TPD52L1: variants seen among roughly 807,000 people sequenced by gnomAD.
TPD52L1 encodes TPD52 like 1, also known as tumor protein D53.
In TPD52L1, 18 loss-of-function variants were observed where a neutral mutation model predicts 28.7. The ratio of observed to expected loss-of-function variants is 0.63; its 90% confidence interval spans 0.43 to 0.93. The LOEUF (loss-of-function observed/expected upper bound fraction) is 0.93, where lower values mean the gene tolerates loss of function less well. Ranked by LOEUF, TPD52L1 falls within the 40% of genes least tolerant of loss-of-function variation. TPD52L1 has a pLI of 0.00. For synonymous variants in TPD52L1, 75 were observed against 88.8 expected, an observed-to-expected ratio of 0.84 and a Z score of 0.88; for missense variants, 203 against 254.8, an observed-to-expected ratio of 0.80 and a Z score of 1.39.
At chr6:125,178,675 A>ATT (rs1791984033) in intron 1 of TPD52L1, among the ~76,000 whole-genome samples, 1 of 151,798 alleles carries the variant, frequency 6.6e-6, no homozygotes, top group Admixed American at 6.6e-5. Context: ...ATATATATAT[A>ATT]TTTGGGTAAA....
chr6:125,187,025 A>C (rs1316585255), intron 1 of TPD52L1, among the ~76,000 whole-genome samples: 1 of 152,140 alleles, frequency 6.6e-6, no homozygotes, highest in African/African-American at 2.4e-5. Flanking sequence ...AATTTAATAG[A>C]CAAACAATAG....
chr6:125,244,596 A>T (rs897914522), intron 3 of TPD52L1, among the ~76,000 whole-genome samples: 1 of 152,172 alleles, frequency 6.6e-6, no homozygotes, highest in Non-Finnish European at 1.5e-5. Context: ...TTTGCCTCTC[A>T]TGCAGGCTTG....
chr6:125,157,717 C>T (rs952916097), intron 1 of TPD52L1, among the ~76,000 whole-genome samples: 1 of 152,190 alleles, frequency 6.6e-6, no homozygotes, highest in African/African-American at 2.4e-5. Flanking sequence ...GTTGTTTTCA[C>T]CTTTCCCAAC....
At chr6:125,222,951 T>C (rs60324227) in intron 2 of TPD52L1, among the ~76,000 whole-genome samples, 2,444 of 152,316 alleles carry the variant, frequency 0.016, 17 homozygotes, top group African/African-American at 0.029. Flanking sequence ...CAGCAATATA[T>C]GAAAAATGCT....
chr6:125,178,186 T>C (rs1456496385), intron 1 of TPD52L1, among the ~76,000 whole-genome samples: 1 of 152,244 alleles, frequency 6.6e-6, no homozygotes, highest in African/African-American at 2.4e-5. Context: ...TATTTATTTC[T>C]TCATTCAATA....
intron 1 of TPD52L1, among the ~76,000 whole-genome samples, chr6:125,165,403 C>G (rs1407660515): frequency 1.3e-5 from 2 of 152,092 alleles, no homozygotes; most frequent in Non-Finnish European, 2.9e-5. Context: ...GAATTTTAAG[C>G]AATTTCTCAC....
At chr6:125,242,104 G>A (rs1235257171) in intron 3 of TPD52L1, among the ~76,000 whole-genome samples, 1 of 151,952 alleles carries the variant, frequency 6.6e-6, no homozygotes, top group African/African-American at 2.4e-5. Flanking sequence ...AGAGCAGATT[G>A]TTTAATATCT....
rs569594201 is a variant in TPD52L1, at chr6:125,184,091, C to A, written c.19+30121C>A. Among the ~76,000 whole-genome samples the A allele has an allele frequency of 2.0e-5, 3 of 152,238 alleles. No homozygotes were observed. The South Asian group carries it at 6.2e-4, about 32-fold the overall frequency. ...GAGCCATGGTAAGTGGGCCTCAGAA[C>A]CATTGCACAGCTGAAGTAGTAGACT... is the stretch of plus-strand genomic sequence containing the variant. On this transcript the variant is annotated intron_variant, in intron 1 of 6. Transcript: ENST00000534000.
chr6:125,172,659 G>GTA lies in TPD52L1; in HGVS notation c.19+18701_19+18702dup, dbSNP rs35313980. 8.0e-3 allele frequency among the ~76,000 whole-genome samples: 996 copies of GTA among 124,302 alleles called. 51 individuals are homozygous for GTA. The highest frequency in any genetic ancestry group is 0.074 in the Admixed American group (888 of 12,054). 81.5% of individuals were successfully genotyped at this position (124,302 alleles called of 152,430 possible). Reference sequence around the variant, plus strand: ...TATAATAAACTATATAATAAATTAGGTATATATATATATTTATTTTCTTCA... The same window carrying GTA: ...TATAATAAACTATATAATAAATTAGGTATATATATATATATTTATTTTCTTCA... On this transcript the variant is annotated intron_variant, in intron 1 of 6. Transcript: ENST00000534000.
chr6:125,198,414 C>A (rs771518682), intron 1 of TPD52L1, among the ~76,000 whole-genome samples: 5 of 152,106 alleles, frequency 3.3e-5, no homozygotes, highest in Non-Finnish European at 5.9e-5. Context: ...TAGAGTTATA[C>A]CCAGTTCTAT....
chr6:125,174,108 G>A (rs975546035), intron 1 of TPD52L1, among the ~76,000 whole-genome samples: 3 of 152,188 alleles, frequency 2.0e-5, no homozygotes, highest in Non-Finnish European at 2.9e-5. Context: ...TGATGATTGA[G>A]TGGCATGATG....
At chr6:125,235,772 G>C (rs759652411) in intron 3 of TPD52L1, among the ~76,000 whole-genome samples, 3 of 152,196 alleles carry the variant, frequency 2.0e-5, no homozygotes, top group Admixed American at 6.5e-5. Context: ...TGGGCTCAGT[G>C]GCGCTTGCCT....
At chr6:125,231,486 A>C (rs1433056134) in intron 3 of TPD52L1, among the ~76,000 whole-genome samples, 1 of 152,180 alleles carries the variant, frequency 6.6e-6, no homozygotes, top group African/African-American at 2.4e-5. Flanking sequence ...ATGTTTGAAA[A>C]ACTAATAGGT....
intron 3 of TPD52L1, among the ~76,000 whole-genome samples, chr6:125,237,374 G>A (rs935828183): frequency 6.6e-6 from 1 of 152,274 alleles, no homozygotes; most frequent in South Asian, 2.1e-4. Flanking sequence ...TGGAAGCAGT[G>A]AGAAAGTAGA....
chr6:125,188,121 T>C lies in TPD52L1; in HGVS notation c.20-31957T>C, dbSNP rs537638571. 1.5e-4 allele frequency among the ~76,000 whole-genome samples: 23 copies of C among 152,346 alleles called. No homozygotes were observed. The South Asian group carries it at 4.8e-3, about 32-fold the overall frequency. On this transcript the variant is annotated intron_variant, in intron 1 of 6. Transcript: ENST00000534000. ...AGTTAGCCAAGCATATATTAATTAG[T>C]ACATTCCGCCAAAGCCTTCAGCTTC...
intron 4 of TPD52L1, among the ~76,000 whole-genome samples, chr6:125,251,023 G>T (rs996106658): frequency 6.6e-6 from 1 of 152,094 alleles, no homozygotes; most frequent in African/African-American, 2.4e-5. Flanking sequence ...ATAACTCTTT[G>T]TGAAAGCAAC....
chr6:125,181,966 T>C (rs1236078492), intron 1 of TPD52L1, among the ~76,000 whole-genome samples: 1 of 152,184 alleles, frequency 6.6e-6, no homozygotes, highest in African/African-American at 2.4e-5. Flanking sequence ...ACTCCCCAGA[T>C]GGCCCTGGTC....
chr6:125,216,319 C>T (rs1440384937), intron 1 of TPD52L1, among the ~76,000 whole-genome samples: 1 of 151,888 alleles, frequency 6.6e-6, no homozygotes, highest in Non-Finnish European at 1.5e-5. Context: ...GATAGGAAGT[C>T]ATCGTGAAGC....
chr6:125,261,010 GAAAGAAAGAAAAGA>G (rs1562411673), intron 6 of TPD52L1: 361 of 27,416 alleles, frequency 0.013, 40 homozygotes, highest in East Asian at 0.039. Flanking sequence ...AAGAAAGAAA[GAAAGAAAGAAAAGA>G]AAAGAAAGAA....
Sources: gnomAD v4.1 joint callset for allele counts (sites outside exome capture counted in the v4.1 genomes callset) on GRCh38, gnomAD v4.1.1 for gene constraint, MANE v1.5 for transcripts, NCBI Gene and HGNC (gene_info 2026-07-23, HGNC 2026-07-21) for gene names.